Variants in RNF13 observed in about 807,000 individuals in gnomAD.
RNF13 encodes ring finger protein 13, also known as E3 ubiquitin-protein ligase RNF13.
A neutral mutation model predicts 37.7 loss-of-function variants in RNF13; 19 were observed. The observed-to-expected ratio is 0.50, with a 90% CI of 0.35 to 0.74. RNF13 has a LOEUF of 0.74. Ranked by LOEUF, RNF13 falls within the 30% of genes least tolerant of loss-of-function variation. RNF13 has a pLI of 0.01. For missense variants in RNF13, 375 were observed against 453.0 expected, an observed-to-expected ratio of 0.83 and a Z score of 1.56; for synonymous variants, 144 against 157.8, an observed-to-expected ratio of 0.91 and a Z score of 0.65.
At chr3:149,833,483 A>T (rs1433623912) in intron 1 of RNF13, among the ~76,000 whole-genome samples, 1 of 152,240 alleles carries the variant, frequency 6.6e-6, no homozygotes, top group Non-Finnish European at 1.5e-5. Flanking sequence ...AAAGTGTTAT[A>T]GTCAATGTAA....
intron 8 of RNF13, among the ~76,000 whole-genome samples, chr3:149,951,453 A>G (rs1721326088): frequency 6.6e-6 from 1 of 152,224 alleles, no homozygotes; most frequent in East Asian, 1.9e-4. Context: ...TAAAGATCCT[A>G]AGGTCTGTAC....
At chr3:149,873,919 A>G (rs1712385642) in intron 4 of RNF13, among the ~76,000 whole-genome samples, 1 of 152,150 alleles carries the variant, frequency 6.6e-6, no homozygotes, top group African/African-American at 2.4e-5. Flanking sequence ...TCCAATTTGT[A>G]TTATAGTGTG....
rs554018921 is a variant in RNF13 at position 149,892,901 on chromosome 3, G to A, written c.322-2572G>A. Among the ~76,000 whole-genome samples, 44 of 152,162 alleles carry A rather than the reference G, an allele frequency of 2.9e-4. No homozygotes were observed. The South Asian group carries it at 5.2e-3, about 18-fold the overall frequency. ...TGAAGAAAAATATAAATAGATTAAC[G>A]TAAATACTCTAAGCAGGGAGCAATT... On this transcript the variant is annotated intron_variant, in intron 4 of 9. Coordinates refer to ENST00000392894, the MANE Select transcript of RNF13 (RefSeq NM_183381.3).
chr3:149,946,008 G>A (rs538143788), intron 8 of RNF13, among the ~76,000 whole-genome samples: 87 of 152,296 alleles, frequency 5.7e-4, no homozygotes, highest in African/African-American at 1.7e-3. Flanking sequence ...AAATCAGAGC[G>A]CCTCTCCCCC....
At chr3:149,941,277 T>C (rs1055273545) in intron 8 of RNF13, among the ~76,000 whole-genome samples, 1 of 152,162 alleles carries the variant, frequency 6.6e-6, no homozygotes, top group Non-Finnish European at 1.5e-5. Context: ...ATCTCCTTAC[T>C]GCTTGCTCTC....
chr3:149,867,467 G>T (rs956770554), intron 3 of RNF13, among the ~76,000 whole-genome samples: 1 of 151,366 alleles, frequency 6.6e-6, no homozygotes. Flanking sequence ...GGGGTTTCAC[G>T]TGTTAGCCAG....
At chr3:149,904,018 ATCTG>A (rs551996900) in intron 6 of RNF13, among the ~76,000 whole-genome samples, 137 of 151,924 alleles carry the variant, frequency 9.0e-4, no homozygotes, top group African/African-American at 3.3e-3. Flanking sequence ...CTATCTATTT[ATCTG>A]TCTGTCTGTT....
intron 8 of RNF13, among the ~76,000 whole-genome samples, chr3:149,930,960 G>T (rs1222738643): frequency 6.6e-6 from 1 of 151,738 alleles, no homozygotes; most frequent in Non-Finnish European, 1.5e-5. Flanking sequence ...TCTTTTTCTT[G>T]GTTCACCTAG....
At chr3:149,833,091 A>G (rs1043176264) in intron 1 of RNF13, among the ~76,000 whole-genome samples, 4 of 150,492 alleles carry the variant, frequency 2.7e-5, no homozygotes, top group Admixed American at 6.6e-5. Context: ...AAAGAAAACT[A>G]CATAACTTAT....
chr3:149,840,973 T>G (rs768200332), intron 1 of RNF13, among the ~76,000 whole-genome samples: 4 of 152,246 alleles, frequency 2.6e-5, no homozygotes, highest in Non-Finnish European at 5.9e-5. Flanking sequence ...AAGGAACCAC[T>G]TCTTTTAATA....
rs763378011 is a variant in RNF13, at chr3:149,846,111, C to A, written c.85C>A (p.Leu29Ile). 3.7e-6 allele frequency: 6 copies of A among 1,612,528 alleles called. No individual in the cohort carries two copies. The East Asian group carries it at 1.1e-4, about 30-fold the overall frequency. ...TGTCCAGCTCTTTGCATTCTTAAAC[C>A]TACTGCCTGTAGAAGCAGACATTTT... is the stretch of plus-strand genomic sequence containing the variant. Reference protein sequence around the residue: ...LTVQLFAFLNLLPVEADILAY... With the variant: ...LTVQLFAFLNILPVEADILAY... The change falls in exon 2 of 10, where the codon CTA (leucine) becomes ATA (isoleucine). Residue 29 changes from leucine (L) to isoleucine (I), a missense_variant. Physicochemically the swap from Leu to Ile is conservative, Grantham distance 5 (BLOSUM62 2). Transcript: ENST00000392894.
intron 8 of RNF13, among the ~76,000 whole-genome samples, chr3:149,943,953 C>A: frequency 6.6e-6 from 1 of 152,060 alleles, no homozygotes; most frequent in Admixed American, 6.5e-5. Context: ...CTAATGCTAT[C>A]CCTCCCCCTC....
At chr3:149,944,551 A>C (rs1180664014) in intron 8 of RNF13, among the ~76,000 whole-genome samples, 4 of 152,190 alleles carry the variant, frequency 2.6e-5, no homozygotes, top group Non-Finnish European at 5.9e-5. Context: ...CATTTCTCTG[A>C]TGGCCAGTGA....
At chr3:149,861,168 A>G (rs1013293077) in intron 3 of RNF13, among the ~76,000 whole-genome samples, 4 of 152,110 alleles carry the variant, frequency 2.6e-5, no homozygotes, top group Non-Finnish European at 5.9e-5. Context: ...GTGGGAATGT[A>G]AATTAGTACA....
chr3:149,911,935 A>G, intron 6 of RNF13, 43 bp from the exon 7 acceptor site: 2 of 1,002,628 alleles, frequency 2.0e-6, no homozygotes, highest in Non-Finnish European at 3.1e-6. Context: ...TCAGAATTTA[A>G]CAACTCTTCA....
At chr3:149,897,253 T>C (rs1164692089) in intron 5 of RNF13, among the ~76,000 whole-genome samples, 1 of 152,228 alleles carries the variant, frequency 6.6e-6, no homozygotes, top group South Asian at 2.1e-4. Context: ...TACTTACTCT[T>C]TGTGTGTTTT....
chr3:149,826,241 A>G (rs1272960510), intron 1 of RNF13, among the ~76,000 whole-genome samples: 2 of 152,214 alleles, frequency 1.3e-5, no homozygotes, highest in Non-Finnish European at 2.9e-5. Flanking sequence ...GGTTGATTAT[A>G]ATGTGTTGCT....
chr3:149,839,774 A>T (rs948012367), intron 1 of RNF13, among the ~76,000 whole-genome samples: 2 of 152,094 alleles, frequency 1.3e-5, no homozygotes, highest in Non-Finnish European at 2.9e-5. Flanking sequence ...TTTTTAAAGG[A>T]TATCTAATAT....
At chr3:149,892,804 G>C (rs1161849763) in intron 4 of RNF13, among the ~76,000 whole-genome samples, 1 of 152,112 alleles carries the variant, frequency 6.6e-6, no homozygotes, top group Admixed American at 6.5e-5. Flanking sequence ...AGTAGTGCCT[G>C]GTACCAAAAA....
Sources: gnomAD v4.1 joint callset for allele counts (sites outside exome capture counted in the v4.1 genomes callset) on GRCh38, gnomAD v4.1.1 for gene constraint, MANE v1.5 for transcripts, NCBI Gene and HGNC (gene_info 2026-07-23, HGNC 2026-07-21) for gene names.